RARB: variants seen among roughly 807,000 people sequenced by gnomAD.
RARB encodes the protein retinoic acid receptor beta, also known as HBV-activated protein.
In RARB, 17 loss-of-function variants were observed where a neutral mutation model predicts 51.9. The observed-to-expected ratio is 0.33, with a 90% CI of 0.22 to 0.49. RARB has a LOEUF of 0.49. Ranked by LOEUF, RARB falls within the 20% of genes least tolerant of loss-of-function variation. The pLI, the probability that RARB is intolerant of heterozygous loss-of-function variation, is 0.99. For missense variants in RARB, 369 were observed against 550.8 expected (o/e 0.67, Z 3.30); for synonymous variants, 215 against 195.4 (o/e 1.10, Z -0.84).
At chr3:25,198,058 A>T (rs983272752) in intron 5 of RARB, among the ~76,000 whole-genome samples, 2 of 152,236 alleles carry the variant, frequency 1.3e-5, no homozygotes, top group Non-Finnish European at 2.9e-5. Flanking sequence ...ACAGCATGGT[A>T]CTGGCACAAG....
intron 5 of RARB, among the ~76,000 whole-genome samples, chr3:25,327,842 T>G (rs955063305): frequency 3.3e-5 from 5 of 152,196 alleles, no homozygotes; most frequent in Non-Finnish European, 7.3e-5. Context: ...TATAGGCAAG[T>G]AATACTAATA....
At chr3:25,382,022 T>C (rs1706642282) in intron 5 of RARB, among the ~76,000 whole-genome samples, 2 of 152,170 alleles carry the variant, frequency 1.3e-5, no homozygotes, top group South Asian at 2.1e-4. Context: ...CGAAGTAGCT[T>C]GAGTAGGGTG....
intron 2 of RARB, among the ~76,000 whole-genome samples, chr3:24,929,102 CCTA>C (rs1221521836): frequency 2.0e-5 from 3 of 151,856 alleles, no homozygotes; most frequent in Admixed American, 6.6e-5. Context: ...GAATATTTTT[CCTA>C]CTATTACCCT....
At chr3:25,490,146 T>C (rs73822905) in intron 2 of RARB, among the ~76,000 whole-genome samples, 2,931 of 152,294 alleles carry the variant, frequency 0.019, 95 homozygotes, top group African/African-American at 0.067. Flanking sequence ...CCCATTCTCA[T>C]AGACTCTATG....
intron 2 of RARB, among the ~76,000 whole-genome samples, chr3:25,004,169 A>G (rs531490599): frequency 1.3e-5 from 2 of 152,254 alleles, no homozygotes; most frequent in South Asian, 4.1e-4. Flanking sequence ...GGGCTAAGGC[A>G]GTGATGACCA....
At chr3:25,123,514 T>A (rs1699815471) in intron 3 of RARB, among the ~76,000 whole-genome samples, 1 of 152,210 alleles carries the variant, frequency 6.6e-6, no homozygotes, top group Non-Finnish European at 1.5e-5. Context: ...AGTGGCTATA[T>A]CAAAGCCACT....
At chr3:24,974,058 C>T (rs1331343983) in intron 2 of RARB, among the ~76,000 whole-genome samples, 2 of 151,982 alleles carry the variant, frequency 1.3e-5, no homozygotes, top group African/African-American at 2.4e-5. Context: ...TTCAATTTTT[C>T]CCTGTACAAT....
At chr3:24,933,050 A>G (rs1695474443) in intron 2 of RARB, among the ~76,000 whole-genome samples, 1 of 152,140 alleles carries the variant, frequency 6.6e-6, no homozygotes. Flanking sequence ...ATTTCAATGT[A>G]TAGCTGTATT....
chr3:25,519,629 A>G (rs556805253), intron 3 of RARB, among the ~76,000 whole-genome samples: 256 of 152,340 alleles, frequency 1.7e-3, no homozygotes, highest in Non-Finnish European at 3.1e-3. Flanking sequence ...GATTTGAAAG[A>G]TAAAACCCAA....
At chr3:24,928,994 A>G (rs956053116) in intron 2 of RARB, among the ~76,000 whole-genome samples, 1 of 152,012 alleles carries the variant, frequency 6.6e-6, no homozygotes. Context: ...TATTTTGATC[A>G]TGTTTTCTCC....
chr3:24,912,792 A>G (rs1182001765), intron 2 of RARB, among the ~76,000 whole-genome samples: 1 of 152,106 alleles, frequency 6.6e-6, no homozygotes, highest in Admixed American at 6.6e-5. Flanking sequence ...GGTTAGAAAG[A>G]ACCTGAATCT....
chr3:25,056,702 G>A (rs1698449418), intron 2 of RARB, among the ~76,000 whole-genome samples: 1 of 152,064 alleles, frequency 6.6e-6, no homozygotes, highest in Non-Finnish European at 1.5e-5. Context: ...ATACATACCT[G>A]TATATATGAT....
At chr3:25,209,802 T>C (rs1011460310) in intron 5 of RARB, among the ~76,000 whole-genome samples, 1 of 152,190 alleles carries the variant, frequency 6.6e-6, no homozygotes, top group African/African-American at 2.4e-5. Flanking sequence ...TTCCCTTAGG[T>C]TGGAAGGTTA....
At chr3:25,429,081 C>A (rs531741017) in intron 1 of RARB, among the ~76,000 whole-genome samples, 193 bp downstream of exon 1, 1 of 151,984 alleles carries the variant, frequency 6.6e-6, no homozygotes, top group Non-Finnish European at 1.5e-5. Flanking sequence ...GTTTTCTTCC[C>A]AAATAACCCC....
At chr3:25,084,814 A>G (rs1009913704) in intron 3 of RARB, among the ~76,000 whole-genome samples, 18 of 151,372 alleles carry the variant, frequency 1.2e-4, no homozygotes, top group Non-Finnish European at 2.7e-4. Context: ...TTTTAATATA[A>G]TGTTTAAATT....
At chr3:25,253,930 T>C (rs1002974912) in intron 5 of RARB, among the ~76,000 whole-genome samples, 1 of 152,132 alleles carries the variant, frequency 6.6e-6, no homozygotes, top group Non-Finnish European at 1.5e-5. Context: ...GGCTAGGATA[T>C]CGGTAGGGAA....
chr3:25,480,881 A>T (rs1245247830), intron 2 of RARB, among the ~76,000 whole-genome samples: 2 of 152,048 alleles, frequency 1.3e-5, no homozygotes, highest in Non-Finnish European at 2.9e-5. Flanking sequence ...TAATGATGAG[A>T]ATCACCTGGA....
intron 5 of RARB, among the ~76,000 whole-genome samples, chr3:25,312,080 T>C (rs1275595583): frequency 6.6e-6 from 1 of 152,212 alleles, no homozygotes; most frequent in Non-Finnish European, 1.5e-5. Flanking sequence ...CTGCGGTGTT[T>C]AGGGAAGTGG....
chr3:25,079,410 A>G (rs1470600537), intron 3 of RARB, among the ~76,000 whole-genome samples: 1 of 152,186 alleles, frequency 6.6e-6, no homozygotes, highest in Non-Finnish European at 1.5e-5. Flanking sequence ...GTTGTTGAAT[A>G]GAAGTGGTGA....
Sources: allele counts gnomAD v4.1 joint callset (sites outside exome capture counted in the v4.1 genomes callset), GRCh38; gene constraint gnomAD v4.1.1; transcripts MANE v1.5; gene names NCBI Gene and HGNC (gene_info 2026-07-23, HGNC 2026-07-21).